GALNT10: variants seen among roughly 807,000 people sequenced by gnomAD.
GALNT10 encodes GalNAc transferase 10.
A neutral mutation model predicts 75.0 loss-of-function variants in GALNT10; 41 were observed. That is an observed-to-expected ratio of 0.55 (90% confidence interval 0.43 to 0.71). The LOEUF is 0.71. Ranked by LOEUF, GALNT10 falls within the 30% of genes least tolerant of loss-of-function variation. The pLI is 0.00. For synonymous variants in GALNT10, 302 were observed against 313.0 expected (o/e 0.96, Z 0.37); for missense variants, 727 against 818.5 (o/e 0.89, Z 1.36).
At chr5:154,292,302 G>A (rs1754205713) in intron 1 of GALNT10, among the ~76,000 whole-genome samples, 1 of 152,188 alleles carries the variant, frequency 6.6e-6, no homozygotes. Context: ...GCTTCTAGAG[G>A]TCTAGGGTAA....
chr5:154,349,643 C>T (rs1195116080), intron 4 of GALNT10: 1 of 152,114 alleles, frequency 6.6e-6, no homozygotes, highest in Admixed American at 6.5e-5. Context: ...CAGGTCAAAA[C>T]TCCTGTGCTG....
At chr5:154,384,611 G>GT (rs1439071037) in intron 6 of GALNT10, among the ~76,000 whole-genome samples, 1 of 152,194 alleles carries the variant, frequency 6.6e-6, no homozygotes, top group Non-Finnish European at 1.5e-5. Context: ...AGGGTTAATG[G>GT]TTAAACGCTG....
chr5:154,304,616 CA>C (rs57928112), intron 3 of GALNT10, among the ~76,000 whole-genome samples: 2,375 of 152,114 alleles, frequency 0.016, 46 homozygotes, highest in African/African-American at 0.053. Flanking sequence ...TCTTTATTTA[CA>C]AAATATGAAG....
intron 3 of GALNT10, among the ~76,000 whole-genome samples, chr5:154,306,818 G>A (rs1474756432): frequency 6.6e-6 from 1 of 151,976 alleles, no homozygotes; most frequent in African/African-American, 2.4e-5. Flanking sequence ...CTCAATAACT[G>A]GTAATACAGA....
In GALNT10 at chr5:154,258,902, CT is replaced by C. The variant is rs917269143; in HGVS notation, c.160-35908del. Among the ~76,000 whole-genome samples the C allele has an allele frequency of 8.6e-5, 13 of 151,842 alleles. No homozygotes were observed. The East Asian group carries it at 1.9e-3, about 23-fold the overall frequency. On this transcript the variant is annotated intron_variant, in intron 1 of 11. Coordinates refer to ENST00000297107, the MANE Select transcript of GALNT10 (RefSeq NM_198321.4). ...ATTAAAGTGTTTTTAGTTACAGAAACTTTTTTAAAAAAAAACTCTTAATTTG... is the reference window on the plus strand; with the variant it reads ...ATTAAAGTGTTTTTAGTTACAGAAACTTTTTAAAAAAAAACTCTTAATTTG...
intron 1 of GALNT10, among the ~76,000 whole-genome samples, chr5:154,211,890 C>T (rs1290671518): frequency 3.3e-5 from 5 of 152,164 alleles, no homozygotes; most frequent in Non-Finnish European, 7.3e-5. Context: ...AAGCAGGAAG[C>T]CACAGTCCTT....
chr5:154,287,959 T>A (rs73805858), intron 1 of GALNT10, among the ~76,000 whole-genome samples: 52 of 149,924 alleles, frequency 3.5e-4, no homozygotes, highest in East Asian at 2.4e-3. Context: ...TGTGTGTGTG[T>A]GAGAGAGAGA....
At chr5:154,245,314 T>C (rs978636299) in intron 1 of GALNT10, among the ~76,000 whole-genome samples, 9 of 152,218 alleles carry the variant, frequency 5.9e-5, no homozygotes, top group African/African-American at 2.2e-4. Context: ...ACAGGTGATG[T>C]TGAGGCTAGC....
rs1756424547 is a variant in GALNT10, at chr5:154,412,761, TTTA to T, written c.1387-126_1387-124del. On this transcript the variant is annotated intron_variant, in intron 9 of 11. Coordinates refer to ENST00000297107, the MANE Select transcript of GALNT10 (RefSeq NM_198321.4). This position sits in a 1 kb window ranked among gnomAD's most constrained non-coding sequence, Gnocchi z 4.2. ...GTACTTCCAACAGCCCAGGGCAAGC[TTTA>T]TCAAGACGATTTGAAGGTTAATCCA... 5.3e-6 allele frequency: 4 copies of T among 750,850 alleles called. No homozygotes were observed. The highest frequency in any genetic ancestry group is 2.4e-6 in the Non-Finnish European group (1 of 416,930). 46.5% of individuals were successfully genotyped at this position (750,850 alleles called of 1,614,324 possible).
intron 1 of GALNT10, among the ~76,000 whole-genome samples, chr5:154,271,256 C>T (rs1457524164): frequency 6.6e-6 from 1 of 151,960 alleles, no homozygotes; most frequent in East Asian, 1.9e-4. Flanking sequence ...CACCTGAGGT[C>T]AGGAGTTCGA....
intron 4 of GALNT10, among the ~76,000 whole-genome samples, chr5:154,344,209 CTT>C (rs869306243): frequency 4.8e-4 from 17 of 35,490 alleles, no homozygotes; most frequent in East Asian, 3.4e-3. Context: ...TTCTTTCTTT[CTT>C]TTTTTTTTTT....
chr5:154,251,229 G>A (rs1361131302), intron 1 of GALNT10, among the ~76,000 whole-genome samples: 2 of 151,948 alleles, frequency 1.3e-5, no homozygotes, highest in East Asian at 3.9e-4. Context: ...TAATAGTAAC[G>A]TTACTTTTAT....
chr5:154,200,254 A>T (rs1021391179), intron 1 of GALNT10, among the ~76,000 whole-genome samples: 2 of 152,144 alleles, frequency 1.3e-5, no homozygotes, highest in Non-Finnish European at 2.9e-5. Context: ...TGCCGCCTGG[A>T]TGCTGCACTC....
chr5:154,197,218 C>T lies in GALNT10; in HGVS notation c.159+6193C>T, dbSNP rs371476484. 7.9e-5 allele frequency among the ~76,000 whole-genome samples: 12 copies of T among 152,276 alleles called. No homozygotes were observed. In the South Asian group the frequency reaches 1.0e-3, roughly 13 times the overall value. ...CTGTCTTTATTGAATCTTACTTACCCGTTCTGCCGCTGCCTTCCTTTCCCC... is the reference window on the plus strand; with the variant it reads ...CTGTCTTTATTGAATCTTACTTACCTGTTCTGCCGCTGCCTTCCTTTCCCC... On this transcript the variant is annotated intron_variant, in intron 1 of 11. Coordinates refer to ENST00000297107, the MANE Select transcript of GALNT10 (RefSeq NM_198321.4).
intron 1 of GALNT10, among the ~76,000 whole-genome samples, chr5:154,264,579 T>C (rs1218313380): frequency 6.6e-6 from 1 of 152,170 alleles, no homozygotes; most frequent in East Asian, 1.9e-4. Flanking sequence ...CGGTAAATCT[T>C]GGTGAGTAAG....
intron 4 of GALNT10, among the ~76,000 whole-genome samples, chr5:154,367,596 T>C (rs971722345): frequency 6.6e-6 from 1 of 152,146 alleles, no homozygotes; most frequent in African/African-American, 2.4e-5. Context: ...GGCTCACACC[T>C]GTAATCCCAG....
chr5:154,394,189 C>T (rs1755966789), intron 7 of GALNT10, among the ~76,000 whole-genome samples: 1 of 152,074 alleles, frequency 6.6e-6, no homozygotes, highest in African/African-American at 2.4e-5. Flanking sequence ...GGTCTTTGAG[C>T]TTGTTCTGAG....
intron 4 of GALNT10, among the ~76,000 whole-genome samples, chr5:154,342,590 G>A (rs1191621148): frequency 1.3e-5 from 2 of 152,182 alleles, no homozygotes; most frequent in East Asian, 3.9e-4. Context: ...GGCATGGCAG[G>A]TCACTAAGTG....
chr5:154,237,211 A>AT (rs1581932712), intron 1 of GALNT10, among the ~76,000 whole-genome samples: 1 of 152,148 alleles, frequency 6.6e-6, no homozygotes, highest in Non-Finnish European at 1.5e-5. Flanking sequence ...TTGGGCCTCA[A>AT]TTTTTTCTCT....
Sources: allele counts gnomAD v4.1 joint callset (sites outside exome capture counted in the v4.1 genomes callset), GRCh38; gene constraint gnomAD v4.1.1; non-coding constraint Gnocchi (gnomAD v3.1); transcripts MANE v1.5; gene names NCBI Gene and HGNC (gene_info 2026-07-23, HGNC 2026-07-21).